The following MACO1 variants were observed in gnomAD, a reference collection of about 807,000 sequenced individuals.
The protein encoded by MACO1 is macoilin.
Under a neutral mutation model 78.7 loss-of-function variants are expected in MACO1, and 14 were observed. The observed-to-expected ratio is 0.18, with a 90% CI of 0.12 to 0.28. The LOEUF (loss-of-function observed/expected upper bound fraction) is 0.28, where lower values mean the gene tolerates loss of function less well. Among genes scored for constraint, MACO1 ranks in the 10% least tolerant of loss-of-function variants. The probability of loss-of-function intolerance (pLI) is 1.00; values close to 1 mark genes in which losing one functional copy is unlikely to be tolerated. For synonymous variants in MACO1, 288 were observed against 291.6 expected (o/e 0.99, Z 0.12); for missense variants, 501 against 799.0 (o/e 0.63, Z 4.50).
intron 2 of MACO1, among the ~76,000 whole-genome samples, chr1:25,448,517 T>C (rs867015835): frequency 2.0e-5 from 3 of 152,194 alleles, no homozygotes; most frequent in Non-Finnish European, 4.4e-5. Context: ...CCCACATTTA[T>C]TTGGAATCCA....
intron 6 of MACO1, among the ~76,000 whole-genome samples, chr1:25,467,132 C>T (rs1181323263): frequency 6.6e-6 from 1 of 152,104 alleles, no homozygotes; most frequent in Non-Finnish European, 1.5e-5. Context: ...GTGGCGCACA[C>T]CTTTAACCCC....
chr1:25,451,046 G>A (rs1287186138), intron 3 of MACO1, among the ~76,000 whole-genome samples: 1 of 152,234 alleles, frequency 6.6e-6, no homozygotes, highest in Non-Finnish European at 1.5e-5. Context: ...CAGGGCAGCA[G>A]TGTAGCTAAT....
chr1:25,484,098 C>T lies in MACO1; in HGVS notation c.1155-18C>T, dbSNP rs2043405143. On this transcript the variant is annotated intron_variant, in intron 6 of 10. Coordinates refer to ENST00000374343, the MANE Select transcript of MACO1 (RefSeq NM_018202.6). Reference sequence around the variant, plus strand: ...TGCCCTCACCTAGATGAAAATGCTGCATTTCTCATTCTCCTAGGCTGGAAC... The same window carrying T: ...TGCCCTCACCTAGATGAAAATGCTGTATTTCTCATTCTCCTAGGCTGGAAC... 17 of 1,597,614 alleles carry T rather than the reference C, an allele frequency of 1.1e-5. No individual in the cohort carries two copies. The highest frequency in any genetic ancestry group is 1.4e-5 in the Non-Finnish European group (16 of 1,173,158).
In MACO1 at chr1:25,456,845, C is replaced by A; in HGVS notation, c.652+14C>A. 1 of 1,580,238 alleles carries A rather than the reference C, an allele frequency of 6.3e-7. No homozygotes were observed. Among genetic ancestry groups the A allele is most frequent in the East Asian group, 2.3e-5 (1 of 44,422 alleles). On this transcript the variant is annotated intron_variant, in intron 5 of 10. Transcript: ENST00000374343. ...AGGCCGAGGAAGGTAGGTCTTTACC[C>A]TAAAGCTGTTGGCTCAATAGGCTAG...
At chr1:25,496,650 A>G (rs2043539543) in intron 10 of MACO1, among the ~76,000 whole-genome samples, 7 of 152,140 alleles carry the variant, frequency 4.6e-5, no homozygotes, top group Admixed American at 4.6e-4. Flanking sequence ...AAGATACACA[A>G]CTTGTAGAAC....
chr1:25,479,865 A>G (rs894704505), intron 6 of MACO1, among the ~76,000 whole-genome samples: 1 of 152,212 alleles, frequency 6.6e-6, no homozygotes, highest in African/African-American at 2.4e-5. Context: ...TAGTGTGAGA[A>G]GGTACTTGTG....
chr1:25,431,644 C>CA (rs1420642685), intron 1 of MACO1, among the ~76,000 whole-genome samples: 1 of 152,004 alleles, frequency 6.6e-6, no homozygotes, highest in African/African-American at 2.4e-5. Flanking sequence ...GGGAGGCTGA[C>CA]AAAGTTGAGA....
At chr1:25,486,873 T>C (rs2043438258) in intron 8 of MACO1, among the ~76,000 whole-genome samples, 1 of 152,170 alleles carries the variant, frequency 6.6e-6, no homozygotes, top group African/African-American at 2.4e-5. Context: ...GTTTGTTTGT[T>C]TGAAGATGTA....
intron 6 of MACO1, among the ~76,000 whole-genome samples, chr1:25,482,704 G>C (rs1439960655): frequency 6.6e-6 from 1 of 152,124 alleles, no homozygotes; most frequent in Non-Finnish European, 1.5e-5. Context: ...CTATAGTTTG[G>C]CCTAATGGTG....
At chr1:25,441,629 A>G (rs565373262) in intron 1 of MACO1, among the ~76,000 whole-genome samples, 243 of 152,368 alleles carry the variant, frequency 1.6e-3, no homozygotes, top group African/African-American at 5.7e-3. Context: ...ATTACACAAA[A>G]TATTATTTAA....
At chr1:25,462,652 G>A (rs994875571) in intron 6 of MACO1, among the ~76,000 whole-genome samples, 5 of 152,194 alleles carry the variant, frequency 3.3e-5, no homozygotes, top group South Asian at 2.1e-4. Flanking sequence ...AAAACTGTGG[G>A]TGAGAACTGC....
At chr1:25,495,951 A>G (rs1243053888) in intron 10 of MACO1, among the ~76,000 whole-genome samples, 3 of 152,022 alleles carry the variant, frequency 2.0e-5, no homozygotes, top group African/African-American at 7.3e-5. Context: ...ACAGAGCAAG[A>G]CTCCATCTCA....
At chr1:25,464,019 CCA>C (rs72213116) in intron 6 of MACO1, among the ~76,000 whole-genome samples, 13,426 of 152,020 alleles carry the variant, frequency 0.088, 1,930 homozygotes, top group African/African-American at 0.3. Context: ...ATCAGTTAGT[CCA>C]CAGTTTACAT....
In MACO1 at chr1:25,484,269, G is replaced by A; in HGVS notation, c.1308G>A (p.Gln436=). The change falls in exon 7 of 11, where the codon CAG becomes CAA. Residue 436 remains glutamine (Q), a synonymous_variant. Coordinates refer to ENST00000374343, the MANE Select transcript of MACO1 (RefSeq NM_018202.6). ...TTCGGCAGGAGAACGAGCTGCTGCAGAACAAGTACGTGCACCTTTCAGGCC... is the reference window on the plus strand; with the variant it reads ...TTCGGCAGGAGAACGAGCTGCTGCAAAACAAGTACGTGCACCTTTCAGGCC... The part of the protein sequence containing the change: ...GQLRQENELL[Q]NKLHNAVQMK... 1 of 1,608,758 alleles carries A rather than the reference G, an allele frequency of 6.2e-7. No individual in the cohort carries two copies. The highest frequency in any genetic ancestry group is 8.5e-7 in the Non-Finnish European group (1 of 1,178,176).
intron 10 of MACO1, among the ~76,000 whole-genome samples, chr1:25,495,577 T>C (rs1281113749): frequency 1.3e-5 from 2 of 152,166 alleles, no homozygotes; most frequent in Non-Finnish European, 2.9e-5. Context: ...GCTCAGGATA[T>C]TCTAATAAGA....
Position 25,458,770 on chromosome 1 carries a change from T to G in MACO1, c.1032T>G (p.Pro344=). 1 of 1,614,168 alleles carries G rather than the reference T, an allele frequency of 6.2e-7. No individual in the cohort carries two copies. Among genetic ancestry groups the G allele is most frequent in the Non-Finnish European group, 8.5e-7 (1 of 1,180,026 alleles). The stretch of plus-strand genomic sequence containing the variant: ...ATAGCGCCACAAATGGGAGCATTCC[T>G]TCCTCATCTAGTAAAAATGAGAAGA... ...RSHSATNGSI[P]SSSSKNEKKQ... Residue 344 remains proline (P), a synonymous_variant, in exon 6 of 11, where the codon CCT becomes CCG. Coordinates refer to ENST00000374343, the MANE Select transcript of MACO1 (RefSeq NM_018202.6).
chr1:25,477,093 G>GA (rs2043327106), intron 6 of MACO1, among the ~76,000 whole-genome samples: 1 of 152,198 alleles, frequency 6.6e-6, no homozygotes, highest in Non-Finnish European at 1.5e-5. Context: ...TTAAACATCA[G>GA]AACAGCAGCA....
chr1:25,476,675 G>T (rs1321666007), intron 6 of MACO1, among the ~76,000 whole-genome samples: 1 of 152,184 alleles, frequency 6.6e-6, no homozygotes, highest in African/African-American at 2.4e-5. Context: ...CAGCTGTGTG[G>T]TCCTTAAACA....
At position 25,458,441 on chromosome 1, in the gene MACO1, G is replaced by A. The variant is rs1468477747; in HGVS notation, c.703G>A (p.Gly235Arg). Residue 235 changes from glycine (G) to arginine (R), a missense_variant, in exon 6 of 11, where the codon GGA (glycine) becomes AGA (arginine). Coordinates refer to ENST00000374343, the MANE Select transcript of MACO1 (RefSeq NM_018202.6). ...TTCTTCGATCCTTATACACCACAATGGAGGTATCCCAGCCAACAAAAAACT... is the reference window on the plus strand; with the variant it reads ...TTCTTCGATCCTTATACACCACAATAGAGGTATCCCAGCCAACAAAAAACT... ...MDSSILIHHNGGIPANKKLST... is the reference protein window; with the variant it reads ...MDSSILIHHNRGIPANKKLST... 1 of 1,612,674 alleles carries A rather than the reference G, an allele frequency of 6.2e-7. No homozygotes were observed. Among genetic ancestry groups the A allele is most frequent in the Non-Finnish European group, 8.5e-7 (1 of 1,179,652 alleles).
Sources: gnomAD v4.1 joint callset for allele counts (sites outside exome capture counted in the v4.1 genomes callset) on GRCh38, gnomAD v4.1.1 for gene constraint, MANE v1.5 for transcripts, NCBI Gene and HGNC (gene_info 2026-07-23, HGNC 2026-07-21) for gene names.